Variants in FAM240C observed in about 807,000 individuals in gnomAD.
The protein encoded by FAM240C is family with sequence similarity 240 member C, also known as protein FAM240C.
In FAM240C, 14 loss-of-function variants were observed where a neutral mutation model predicts 10.0. The ratio of observed to expected loss-of-function variants is 1.40; its 90% confidence interval spans 0.92 to 2.19. The LOEUF (loss-of-function observed/expected upper bound fraction) is 2.19, where lower values mean the gene tolerates loss of function less well. Ranked by LOEUF, FAM240C falls within the 30% of genes most tolerant of loss-of-function variation. The pLI, the probability that FAM240C is intolerant of heterozygous loss-of-function variation, is 0.00. For missense variants in FAM240C, 154 were observed against 122.3 expected, an observed-to-expected ratio of 1.26 and a Z score of -1.22; for synonymous variants, 49 against 44.3, an observed-to-expected ratio of 1.11 and a Z score of -0.42.
chr2:241,895,784 TCCCGGGG>T, intron 2 of FAM240C, among the ~76,000 whole-genome samples: 1 of 151,934 alleles, frequency 6.6e-6, no homozygotes, highest in Non-Finnish European at 1.5e-5. Context: ...GGACACACAG[TCCCGGGG>T]CCTGAGCCCA....
Position 241,897,314 on chromosome 2 carries a change from A to T in FAM240C, c.33T>A (p.Thr11=), listed in dbSNP as rs1315484756. Residue 11 remains threonine, a synonymous_variant, in exon 2 of 3, where the codon ACT becomes ACA. Coordinates refer to ENST00000404031, the MANE Select transcript of FAM240C (RefSeq NM_001382368.1). ...ATGCTACTCTTCCAGGATTCTTAAG[A>T]GTGAGGCTTTTACTCATGTTCTGGA... MVGKNMSKSL[T]LKNPGRVAYD... 1 of 1,549,686 alleles carries T rather than the reference A, an allele frequency of 6.5e-7. No individual in the cohort carries two copies. Among genetic ancestry groups the T allele is most frequent in the Admixed American group, 2.0e-5 (1 of 50,976 alleles).
intron 2 of FAM240C, among the ~76,000 whole-genome samples, chr2:241,896,523 G>T (rs1701811723): frequency 7.5e-6 from 1 of 133,604 alleles, no homozygotes; most frequent in Non-Finnish European, 1.7e-5. Flanking sequence ...GTGTTGGGGT[G>T]TGGGTGTTGG....
intron 1 of FAM240C, 147 bp from the exon 2 acceptor site, chr2:241,897,481 G>T: frequency 1.0e-6 from 1 of 966,090 alleles, no homozygotes; most frequent in Non-Finnish European, 1.5e-6. Flanking sequence ...GATGGCGGAG[G>T]CTGCCCTCTG....
rs1701825343 is a variant in FAM240C, at chr2:241,896,708, GGTGTTGGGGGTGTGT to G, written c.161+463_161+477del. ...GAAGGGGTGTGGGTGTTGGGGTGTG[GGTGTTGGGGGTGTGT>G]GTGTTGGGGTGTGGGTGAAGGGGTG... On this transcript the variant is annotated intron_variant, in intron 2 of 2. Transcript: ENST00000404031. Among the ~76,000 whole-genome samples the G allele has an allele frequency of 2.0e-4, 5 of 24,914 alleles. 1 individual carries two copies. Among genetic ancestry groups the G allele is most frequent in the African/African-American group, 1.2e-3 (5 of 4,058 alleles). The allele number at this position is 24,914 out of a possible 152,430, so 16.3% of individuals were successfully genotyped here. A position where few individuals can be genotyped will look rare whatever the true frequency, so the allele number is the denominator to read the frequency against.
chr2:241,898,965 C>G, intron 1 of FAM240C: 1 of 521,610 alleles, frequency 1.9e-6, no homozygotes, highest in Non-Finnish European at 3.4e-6. Context: ...TGTTCTTCAG[C>G]TTGGCCTTGC....
chr2:241,899,010 C>T (rs1358380230), intron 1 of FAM240C: 13 of 781,986 alleles, frequency 1.7e-5, no homozygotes, highest in South Asian at 7.1e-5. Flanking sequence ...CCCCGCCCCC[C>T]ACTCTTCTCT....
At chr2:241,899,281 TG>T in intron 1 of FAM240C, 2 of 1,266,394 alleles carry the variant, frequency 1.6e-6, no homozygotes, top group Non-Finnish European at 2.1e-6. Context: ...ATGTGGGTGC[TG>T]GGCGCTTTGC....
In FAM240C at chr2:241,894,299, T is replaced by A; in HGVS notation, c.202A>T (p.Lys68Ter). Residue 68 changes from lysine to a stop codon, truncating the protein, a stop_gained, in exon 3 of 3, where the codon AAG (lysine) becomes TAG (stop). Transcript: ENST00000404031. LOFTEE classifies it high-confidence loss of function. ...GWAEQLEGRN[K>*]MLQGPGRCPD... ...CATCTCCCTGGGCCCTGCAGCATCT[T>A]GTTCCTCCCCTCCAGCTGCTCAGCC... The A allele has an allele frequency of 6.5e-7, 1 of 1,549,410 alleles. No individual in the cohort carries two copies. Among genetic ancestry groups the A allele is most frequent in the Non-Finnish European group, 8.7e-7 (1 of 1,146,578 alleles).
At chr2:241,899,960 G>T (rs1378114967) in intron 1 of FAM240C, among the ~76,000 whole-genome samples, 2 of 152,050 alleles carry the variant, frequency 1.3e-5, no homozygotes, top group Admixed American at 1.3e-4. Flanking sequence ...CCAGCTACTC[G>T]GAAGGCTAAG....
intron 1 of FAM240C, among the ~76,000 whole-genome samples, chr2:241,898,217 C>T (rs773211721): frequency 1.1e-4 from 17 of 152,324 alleles, no homozygotes; most frequent in African/African-American, 3.6e-4. Context: ...CGTGCATCTA[C>T]GGGACACCAG....
intron 2 of FAM240C, 64 bp downstream of exon 2, chr2:241,897,122 G>A: frequency 6.6e-7 from 1 of 1,519,484 alleles, no homozygotes; most frequent in Non-Finnish European, 8.9e-7. Flanking sequence ...GCGGGGCTGT[G>A]CCCCTGGGTG....
intron 2 of FAM240C, among the ~76,000 whole-genome samples, chr2:241,895,488 C>T (rs1181715941): frequency 3.3e-5 from 5 of 152,342 alleles, no homozygotes; most frequent in Non-Finnish European, 7.4e-5. Flanking sequence ...GCTCCTCTCT[C>T]ACGGCGGCTT....
chr2:241,896,245 A>G (rs1701798478), intron 2 of FAM240C, among the ~76,000 whole-genome samples: 1 of 152,050 alleles, frequency 6.6e-6, no homozygotes, highest in Non-Finnish European at 1.5e-5. Context: ...CAGTGGCTAC[A>G]CCCTGGGTCG....
At chr2:241,894,645 C>A (rs1701747385) in intron 2 of FAM240C, among the ~76,000 whole-genome samples, 1 of 151,510 alleles carries the variant, frequency 6.6e-6, no homozygotes, top group African/African-American at 2.4e-5. Context: ...CGGGAAGCAG[C>A]CTGGGTCCCC....
chr2:241,894,883 G>T (rs1334287777), intron 2 of FAM240C, among the ~76,000 whole-genome samples: 2 of 152,186 alleles, frequency 1.3e-5, no homozygotes, highest in Non-Finnish European at 2.9e-5. Context: ...CACAGTGGAC[G>T]GTGCTATGTT....
chr2:241,895,747 C>T lies in FAM240C; in HGVS notation c.162-1408G>A, dbSNP rs1339771925. On this transcript the variant is annotated intron_variant, in intron 2 of 2. Transcript: ENST00000404031. ...GGTGCCTGCCTTGGACACCAACCTC[C>T]ACCTCAGGGGCCAGAGAAGGCAGCG... Among the ~76,000 whole-genome samples, 3 of 152,298 alleles carry T rather than the reference C, an allele frequency of 2.0e-5. No individual in the cohort carries two copies. The East Asian group carries it at 5.8e-4, about 29-fold the overall frequency.
intron 1 of FAM240C, chr2:241,899,141 G>A: frequency 7.7e-7 from 1 of 1,304,256 alleles, no homozygotes; most frequent in Non-Finnish European, 1.0e-6. Flanking sequence ...GGGTAAGGGT[G>A]CCTTCTGGAG....
chr2:241,900,442 T>C lies in FAM240C; in HGVS notation c.-73A>G. The C allele has an allele frequency of 1.4e-6, 1 of 711,376 alleles. No homozygotes were observed. The highest frequency in any genetic ancestry group is 2.6e-6 in the Non-Finnish European group (1 of 381,464). 44.1% of individuals were successfully genotyped at this position (711,376 alleles called of 1,614,324 possible). On this transcript the variant is annotated 5_prime_UTR_variant, in exon 1 of 3. The change creates a new upstream start codon in the 5' untranslated region. Transcript: ENST00000404031. The surrounding 1 kb of genome is among the most constrained non-coding windows in gnomAD (Gnocchi z 4.5). ...CTGTCCTCTCCGGGGTGCACGCCTGTATCTCGCCTGCCGCTCTCTGTTACA... is the reference window on the plus strand; with the variant it reads ...CTGTCCTCTCCGGGGTGCACGCCTGCATCTCGCCTGCCGCTCTCTGTTACA...
chr2:241,896,338 C>T (rs1006473221), intron 2 of FAM240C, among the ~76,000 whole-genome samples: 5 of 152,170 alleles, frequency 3.3e-5, no homozygotes, highest in Admixed American at 2.6e-4. Context: ...TATCTGCCTT[C>T]CTGAGCAAGT....
Sources: gnomAD v4.1 joint callset for allele counts (sites outside exome capture counted in the v4.1 genomes callset) on GRCh38, gnomAD v4.1.1 for gene constraint, Gnocchi (gnomAD v3.1) non-coding constraint, MANE v1.5 for transcripts, NCBI Gene and HGNC (gene_info 2026-07-23, HGNC 2026-07-21) for gene names.